The following MKLN1 variants were observed in gnomAD, a reference collection of about 807,000 sequenced individuals.
MKLN1 encodes the protein muskelin.
A neutral mutation model predicts 99.0 loss-of-function variants in MKLN1; 18 were observed. The observed-to-expected ratio is 0.18, with a 90% CI of 0.13 to 0.27. MKLN1 has a LOEUF of 0.27. Ranked by LOEUF, MKLN1 falls within the 10% of genes least tolerant of loss-of-function variation. MKLN1 has a pLI of 1.00. For missense variants in MKLN1, 621 were observed against 875.9 expected (o/e 0.71, Z 3.67); for synonymous variants, 288 against 293.2 (o/e 0.98, Z 0.18).
At chr7:131,217,189 A>G (rs1388065329) in intron 3 of MKLN1, among the ~76,000 whole-genome samples, 1 of 152,190 alleles carries the variant, frequency 6.6e-6, no homozygotes, top group Non-Finnish European at 1.5e-5. Context: ...AAATTGCAAA[A>G]CTTATTTATT....
intron 1 of MKLN1, among the ~76,000 whole-genome samples, chr7:131,110,605 A>G (rs1318417198): frequency 1.3e-5 from 2 of 152,148 alleles, no homozygotes; most frequent in Non-Finnish European, 2.9e-5. Context: ...AAGGGATGGG[A>G]AACCTGCCCA....
At chr7:131,322,901 G>A (rs945116499), upstream of MKLN1, among the ~76,000 whole-genome samples, 1 of 152,032 alleles carries the variant, frequency 6.6e-6, no homozygotes, top group East Asian at 1.9e-4. Flanking sequence ...ATCACATCTC[G>A]TAAGAACTCC....
intron 3 of MKLN1, among the ~76,000 whole-genome samples, chr7:131,302,035 C>G (rs928628118): frequency 1.3e-5 from 2 of 152,190 alleles, no homozygotes; most frequent in African/African-American, 4.8e-5. Flanking sequence ...GGGGCCAATA[C>G]CTGTAGGAGG....
chr7:131,306,993 C>T (rs550388940), intron 3 of MKLN1, among the ~76,000 whole-genome samples: 28 of 152,284 alleles, frequency 1.8e-4, no homozygotes, highest in Admixed American at 1.4e-3. Context: ...ACCAGGGCCC[C>T]ACTACTCTGC....
intron 3 of MKLN1, among the ~76,000 whole-genome samples, chr7:131,251,717 T>C (rs899299822): frequency 6.6e-6 from 1 of 151,956 alleles, no homozygotes; most frequent in Non-Finnish European, 1.5e-5. Flanking sequence ...TTGCCCAGAT[T>C]GGAGTGCAAT....
At chr7:131,337,397 A>AT (rs1311456107) in intron 1 of MKLN1, among the ~76,000 whole-genome samples, 4 of 151,488 alleles carry the variant, frequency 2.6e-5, no homozygotes, top group African/African-American at 9.7e-5. Context: ...TATTTTTATG[A>AT]TTTTTTTCCT....
chr7:131,375,624 C>T (rs117033484), intron 2 of MKLN1, 131 bp downstream of exon 2: 12,163 of 565,822 alleles, frequency 0.021, 173 homozygotes, highest in Non-Finnish European at 0.028. Context: ...TTTTTATTCT[C>T]TCTATTTTTG....
chr7:131,127,121 T>C (rs1401025955), intron 1 of MKLN1, among the ~76,000 whole-genome samples: 1 of 148,106 alleles, frequency 6.8e-6, no homozygotes, highest in Non-Finnish European at 1.5e-5. Context: ...GCCGAGATCA[T>C]GCCATTGCAC....
At chr7:131,216,313 C>G (rs760534314) in intron 3 of MKLN1, among the ~76,000 whole-genome samples, 1 of 151,544 alleles carries the variant, frequency 6.6e-6, no homozygotes, top group Non-Finnish European at 1.5e-5. Context: ...ATCCCAGCTA[C>G]TTGGGAAGCT....
intron 2 of MKLN1, among the ~76,000 whole-genome samples, chr7:131,192,056 GTATATA>G (rs1160080719): frequency 3.9e-4 from 38 of 96,702 alleles, no homozygotes; most frequent in Non-Finnish European, 5.9e-4. Flanking sequence ...ATGTATACAT[GTATATA>G]TATATTATAT....
rs1028363676 is a variant in MKLN1 at position 131,442,590 on chromosome 7, A to C, written c.1174-891A>C. On this transcript the variant is annotated intron_variant, in intron 10 of 17. Transcript: ENST00000352689. Reference sequence around the variant, plus strand: ...ATGAAAATAGCCTTTTGTTTAAAAAAATACATAAATAGCAGAAGTAATCTG... The same window carrying C: ...ATGAAAATAGCCTTTTGTTTAAAAACATACATAAATAGCAGAAGTAATCTG... Among the ~76,000 whole-genome samples, 3 of 152,200 alleles carry C rather than the reference A, an allele frequency of 2.0e-5. No individual in the cohort carries two copies. In the South Asian group the frequency reaches 6.2e-4, roughly 31 times the overall value.
chr7:131,252,901 TA>T (rs964907475), intron 3 of MKLN1, among the ~76,000 whole-genome samples: 2 of 152,134 alleles, frequency 1.3e-5, no homozygotes, highest in Non-Finnish European at 2.9e-5. Flanking sequence ...ACCTTTAATT[TA>T]GTGTTCATAT....
At chr7:131,260,535 C>T (rs527471628) in intron 3 of MKLN1, among the ~76,000 whole-genome samples, 2 of 152,268 alleles carry the variant, frequency 1.3e-5, no homozygotes, top group South Asian at 2.1e-4. Flanking sequence ...ATTAAAATGG[C>T]CACACTGCCC....
intron 2 of MKLN1, among the ~76,000 whole-genome samples, chr7:131,153,653 G>A (rs984597459): frequency 3.8e-5 from 3 of 79,212 alleles, no homozygotes; most frequent in Non-Finnish European, 8.3e-5. Context: ...AATGAAAGTA[G>A]GTTTTTTTTG....
intron 12 of MKLN1, among the ~76,000 whole-genome samples, chr7:131,452,014 A>T (rs1796193716): frequency 6.6e-6 from 1 of 152,208 alleles, no homozygotes; most frequent in African/African-American, 2.4e-5. Context: ...TTACAACCTG[A>T]TGCTTGTTCT....
In MKLN1 at chr7:131,495,042, G is replaced by C. The variant is rs974941233; in HGVS notation, c.*7314G>C. 2.6e-5 allele frequency: 4 copies of C among 152,190 alleles called. No homozygotes were observed. The highest frequency in any genetic ancestry group is 5.9e-5 in the Non-Finnish European group (4 of 68,038). The allele number at this position is 152,190 out of a possible 1,614,324, so 9.4% of individuals were successfully genotyped here. ...CAGAGGAAGAGTACAGGAAAGCGAAGATGAGGACCTCCTTTTCTTGTGTTG... is the reference window on the plus strand; with the variant it reads ...CAGAGGAAGAGTACAGGAAAGCGAACATGAGGACCTCCTTTTCTTGTGTTG... On this transcript the variant is annotated 3_prime_UTR_variant, in exon 18 of 18. Transcript: ENST00000352689.
At chr7:131,411,882 G>A (rs1025728475) in intron 7 of MKLN1, among the ~76,000 whole-genome samples, 1 of 125,088 alleles carries the variant, frequency 8.0e-6, no homozygotes, top group Non-Finnish European at 1.6e-5. Flanking sequence ...ACTCCGGCCT[G>A]GGAGACAGAT....
At chr7:131,310,746 T>C (rs966506847) in intron 3 of MKLN1, 2 of 152,190 alleles carry the variant, frequency 1.3e-5, no homozygotes, top group Non-Finnish European at 2.9e-5. Flanking sequence ...AAATCCTTAG[T>C]AAAATAACAA....
At chr7:131,483,516 TTTAATATATA>T (rs1797183043) in intron 17 of MKLN1, among the ~76,000 whole-genome samples, 1 of 152,220 alleles carries the variant, frequency 6.6e-6, no homozygotes, top group Non-Finnish European at 1.5e-5. Context: ...AGATTCCTCA[TTTAATATATA>T]TTGTTGATTC....
Sources: allele counts gnomAD v4.1 joint callset (sites outside exome capture counted in the v4.1 genomes callset), GRCh38; gene constraint gnomAD v4.1.1; transcripts MANE v1.5; gene names NCBI Gene and HGNC (gene_info 2026-07-23, HGNC 2026-07-21).